The following DNAJC3 variants were observed in gnomAD, a reference collection of about 807,000 sequenced individuals.
DNAJC3 encodes DnaJ heat shock protein family (Hsp40) member C3, also known as dnaJ homolog subfamily C member 3.
DNAJC3 carries 38 observed loss-of-function variants against 68.6 expected under a neutral mutation model. The observed-to-expected ratio is 0.55, with a 90% CI of 0.43 to 0.73. DNAJC3 has a LOEUF of 0.73. Among genes scored for constraint, DNAJC3 ranks in the 30% least tolerant of loss-of-function variants. The pLI, the probability that DNAJC3 is intolerant of heterozygous loss-of-function variation, is 0.00. For missense variants in DNAJC3, 526 were observed against 591.9 expected, an observed-to-expected ratio of 0.89 and a Z score of 1.16; for synonymous variants, 203 against 204.0, an observed-to-expected ratio of 1.00 and a Z score of 0.04.
At chr13:95,701,978 C>T (rs1396904286) in intron 1 of DNAJC3, among the ~76,000 whole-genome samples, 1 of 152,142 alleles carries the variant, frequency 6.6e-6, no homozygotes, top group Non-Finnish European at 1.5e-5. Flanking sequence ...TATTTTAATA[C>T]ATTTGTTTTA....
chr13:95,730,063 C>T (rs1262801044), intron 4 of DNAJC3, among the ~76,000 whole-genome samples: 5 of 152,134 alleles, frequency 3.3e-5, no homozygotes, highest in African/African-American at 1.2e-4. Flanking sequence ...ATGATCGTGG[C>T]TTACTGCAGC....
At chr13:95,706,443 G>T (rs1880751412) in intron 1 of DNAJC3, among the ~76,000 whole-genome samples, 1 of 152,198 alleles carries the variant, frequency 6.6e-6, no homozygotes, top group Non-Finnish European at 1.5e-5. Flanking sequence ...TACATGTTCT[G>T]TGGGATTGTG....
At chr13:95,702,648 C>T (rs1224872020) in intron 1 of DNAJC3, among the ~76,000 whole-genome samples, 2 of 152,184 alleles carry the variant, frequency 1.3e-5, no homozygotes, top group African/African-American at 4.8e-5. Context: ...GTCTATTAGG[C>T]CCTCATCAGA....
intron 4 of DNAJC3, among the ~76,000 whole-genome samples, chr13:95,727,477 A>G (rs182455170): frequency 2.0e-4 from 30 of 152,226 alleles, no homozygotes; most frequent in African/African-American, 5.3e-4. Context: ...AGCTCTTACT[A>G]TTGTTATAGG....
intron 4 of DNAJC3, among the ~76,000 whole-genome samples, chr13:95,732,575 G>T (rs563013996): frequency 0.013 from 1,957 of 151,712 alleles, 50 homozygotes; most frequent in African/African-American, 0.045. Flanking sequence ...TTTTTTTCTT[G>T]GTTAATCTAG....
intron 4 of DNAJC3, among the ~76,000 whole-genome samples, chr13:95,744,181 T>G (rs1398306812): frequency 2.0e-5 from 3 of 151,892 alleles, no homozygotes; most frequent in Non-Finnish European, 4.4e-5. Flanking sequence ...CTGTATGTGT[T>G]TTTTACATTT....
At chr13:95,739,913 C>G (rs1176446874) in intron 4 of DNAJC3, among the ~76,000 whole-genome samples, 1 of 152,182 alleles carries the variant, frequency 6.6e-6, no homozygotes, top group Non-Finnish European at 1.5e-5. Flanking sequence ...TCCAGTTTTT[C>G]TGTTCTGTTT....
rs60521785 is a variant in DNAJC3 at position 95,721,663 on chromosome 13, T to C, written c.194-1579T>C. 8.5e-3 allele frequency among the ~76,000 whole-genome samples: 1,296 copies of C among 152,078 alleles called. 19 individuals carry two copies. Among genetic ancestry groups the C allele is most frequent in the African/African-American group, 0.03 (1,229 of 41,426 alleles). The stretch of plus-strand genomic sequence containing the variant: ...GTGTTTTTTTTTTTTTGGTTTTGCT[T>C]TTTTAGTTTTTATTAGTATTTTTGT... On this transcript the variant is annotated intron_variant, in intron 2 of 11. Coordinates refer to ENST00000602402, the MANE Select transcript of DNAJC3 (RefSeq NM_006260.5).
chr13:95,769,412 C>A (rs1883101910), intron 9 of DNAJC3, among the ~76,000 whole-genome samples: 1 of 152,186 alleles, frequency 6.6e-6, no homozygotes, highest in African/African-American at 2.4e-5. Flanking sequence ...TTGGAAGATG[C>A]TGATTGTATT....
At chr13:95,769,278 A>G (rs1403763285) in intron 9 of DNAJC3, among the ~76,000 whole-genome samples, 1 of 152,178 alleles carries the variant, frequency 6.6e-6, no homozygotes, top group African/African-American at 2.4e-5. Flanking sequence ...CCTCCTGGGC[A>G]TGAAAGAGAC....
intron 4 of DNAJC3, among the ~76,000 whole-genome samples, chr13:95,735,673 T>C (rs1485569015): frequency 6.7e-6 from 1 of 149,754 alleles, no homozygotes; most frequent in Non-Finnish European, 1.5e-5. Context: ...GGGTTGTTTG[T>C]TTTTTTCTTG....
chr13:95,760,531 G>A (rs1009778860), intron 6 of DNAJC3, 148 bp from the exon 7 acceptor site: 26 of 996,352 alleles, frequency 2.6e-5, no homozygotes, highest in Admixed American at 6.2e-5. Flanking sequence ...ACAATGCCAC[G>A]TATAAATGTA....
At chr13:95,752,173 G>C (rs1309180517) in intron 4 of DNAJC3, among the ~76,000 whole-genome samples, 1 of 152,120 alleles carries the variant, frequency 6.6e-6, no homozygotes, top group Non-Finnish European at 1.5e-5. Context: ...GTGTGTCTAG[G>C]ACAGTGGTTC....
intron 4 of DNAJC3, among the ~76,000 whole-genome samples, chr13:95,736,316 G>A (rs1161199584): frequency 1.3e-5 from 2 of 151,842 alleles, no homozygotes; most frequent in East Asian, 3.9e-4. Flanking sequence ...CTCTTTTTTG[G>A]TTCCATATGA....
intron 9 of DNAJC3, among the ~76,000 whole-genome samples, chr13:95,780,622 CCTGT>C (rs1217587774): frequency 6.6e-5 from 10 of 152,032 alleles, no homozygotes; most frequent in Admixed American, 3.3e-4. Context: ...GGAGCTGCAC[CCTGT>C]CTGTTTACCT....
chr13:95,709,628 CTTTTT>C (rs955053415), intron 2 of DNAJC3, among the ~76,000 whole-genome samples: 1 of 112,180 alleles, frequency 8.9e-6, no homozygotes, highest in Non-Finnish European at 1.8e-5. Flanking sequence ...TGGCTTCTGA[CTTTTT>C]TTTTTTTTTT....
At chr13:95,788,647 C>G (rs1042584151) in intron 11 of DNAJC3, among the ~76,000 whole-genome samples, 4 of 152,136 alleles carry the variant, frequency 2.6e-5, no homozygotes, top group African/African-American at 9.7e-5. Flanking sequence ...TTACCTCATT[C>G]TTTGAGATGT....
chr13:95,760,818 A>G lies in DNAJC3; in HGVS notation c.848+20A>G, dbSNP rs199739950. ...TGGCAGGTGAGAATATGGTTGTTCC[A>G]ACTGTCCAGCCATTCCTTATGTGCG... On this transcript the variant is annotated intron_variant, in intron 7 of 11. Coordinates refer to ENST00000602402, the MANE Select transcript of DNAJC3 (RefSeq NM_006260.5). 2 of 1,606,362 alleles carry G rather than the reference A, an allele frequency of 1.2e-6. No individual in the cohort carries two copies. Among genetic ancestry groups the G allele is most frequent in the East Asian group, 4.5e-5 (2 of 44,470 alleles).
chr13:95,785,498 A>T (rs1430737012), intron 9 of DNAJC3, among the ~76,000 whole-genome samples: 3 of 117,308 alleles, frequency 2.6e-5, no homozygotes, highest in Non-Finnish European at 4.8e-5. Context: ...TCACTCTGTC[A>T]CCCAGGCTGG....
Sources: allele counts gnomAD v4.1 joint callset (sites outside exome capture counted in the v4.1 genomes callset), GRCh38; gene constraint gnomAD v4.1.1; transcripts MANE v1.5; gene names NCBI Gene and HGNC (gene_info 2026-07-23, HGNC 2026-07-21).